The following HOXA3 variants were observed in gnomAD, a reference collection of about 807,000 sequenced individuals.
HOXA3 encodes homeobox A3.
HOXA3 carries 8 observed loss-of-function variants against 30.3 expected under a neutral mutation model. The observed-to-expected ratio is 0.26, with a 90% confidence interval of 0.15 to 0.48. The LOEUF (loss-of-function observed/expected upper bound fraction) is 0.48, where lower values mean the gene tolerates loss of function less well. HOXA3 is among the 20% of genes least tolerant of loss of function. The pLI is 0.99. For missense variants in HOXA3, 653 were observed against 614.4 expected, an observed-to-expected ratio of 1.06 and a Z score of -0.66; for synonymous variants, 323 against 273.1, an observed-to-expected ratio of 1.18 and a Z score of -1.80.
chr7:27,107,050 A>G lies in HOXA3; in HGVS notation c.*865T>C, dbSNP rs1784041623. The stretch of plus-strand genomic sequence containing the variant: ...ACTTTATTTCTTTTTGTTTCTCAGA[A>G]TGTGAGCAGCAAGGAATGAAGAACT... On this transcript the variant is annotated 3_prime_UTR_variant, in exon 6 of 6. Transcript: ENST00000612286. The G allele has an allele frequency of 6.6e-6, 1 of 152,646 alleles. No homozygotes were observed. Among genetic ancestry groups the G allele is most frequent in the Non-Finnish European group, 1.5e-5 (1 of 68,034 alleles). The allele number at this position is 152,646 out of a possible 1,614,324, so 9.5% of individuals were successfully genotyped here.
chr7:27,133,703 G>T (rs555485007), intron 2 of HOXA3, among the ~76,000 whole-genome samples: 10 of 152,318 alleles, frequency 6.6e-5, no homozygotes, highest in Admixed American at 1.3e-4. Context: ...TTTGCAGCTT[G>T]GTTTGAATCT....
rs1381290384 is a variant in HOXA3, at chr7:27,108,591, G to T, written c.656C>A (p.Pro219Gln). Reference protein sequence around the residue: ...EFHFNRYLCRPRRVEMANLLN... With the variant: ...EFHFNRYLCRQRRVEMANLLN... ...CAGATTGGCCATCTCCACCCGGCGC[G>T]GCCGGCACAGGTAGCGGTTGAAGTG... Residue 219 changes from proline to glutamine, a missense_variant, in exon 6 of 6, where the codon CCG becomes CAG. This residue lies in a region of HOXA3 where 320 missense variants were observed against 321.9 expected (regional missense o/e 0.99). Transcript: ENST00000612286. The surrounding 1 kb of genome is among the most constrained non-coding windows in gnomAD (Gnocchi z 5.0). 2.5e-6 allele frequency: 4 copies of T among 1,614,168 alleles called. No homozygotes were observed. Among genetic ancestry groups the T allele is most frequent in the Middle Eastern group, 3.3e-4 (2 of 6,062 alleles).
rs374297287 is a variant in HOXA3 at position 27,108,064 on chromosome 7, C to A, written c.1183G>T (p.Ala395Ser). 118 of 1,612,894 alleles carry A rather than the reference C, an allele frequency of 7.3e-5. No homozygotes were observed. Among genetic ancestry groups the A allele is most frequent in the Non-Finnish European group, 9.8e-5 (115 of 1,179,314 alleles). Residue 395 changes from alanine (A) to serine (S), a missense_variant, in exon 6 of 6, where the codon GCC becomes TCC. Physicochemically the swap from Ala to Ser is moderately conservative, Grantham distance 99 (BLOSUM62 1). Coordinates refer to ENST00000612286, the MANE Select transcript of HOXA3 (RefSeq NM_153631.3). This position sits in a 1 kb window ranked among gnomAD's most constrained non-coding sequence, Gnocchi z 5.0. ...LTHLPHAASG[A>S]MDYGGAGPLG... ...GGCCCGGCACCCCCATAGTCCATGG[C>A]GCCCGAGGCAGCGTGGGGGAGGTGA...
intron 4 of HOXA3, among the ~76,000 whole-genome samples, chr7:27,111,513 T>TGTGTGTG (rs1554336191): frequency 4.7e-5 from 7 of 148,484 alleles, no homozygotes; most frequent in African/African-American, 1.2e-4. Flanking sequence ...TGTGTGTGTG[T>TGTGTGTG]TTAGGGTGAG....
intron 1 of HOXA3, chr7:27,143,536 A>G (rs747709423): frequency 3.1e-6 from 5 of 1,613,352 alleles, no homozygotes; most frequent in East Asian, 2.2e-5. Flanking sequence ...TATGATCTCC[A>G]TAATTATGCA....
chr7:27,114,727 A>C (rs1784576904), intron 4 of HOXA3, among the ~76,000 whole-genome samples: 1 of 124,280 alleles, frequency 8.0e-6, no homozygotes, highest in African/African-American at 2.9e-5. Flanking sequence ...CTCTGACCCC[A>C]AGAGAAACCG....
In HOXA3 at chr7:27,108,745, C is replaced by T. The variant is rs200228241; in HGVS notation, c.527-25G>A. 20 of 1,550,180 alleles carry T rather than the reference C, an allele frequency of 1.3e-5. No individual in the cohort carries two copies. Among genetic ancestry groups the T allele is most frequent in the Non-Finnish European group, 1.7e-5 (20 of 1,146,948 alleles). ...CCTGCGAGGACAGAGAGAGGAAGAG[C>T]GGCGTCAGGGGCTGCCGCGGCCCCG... On this transcript the variant is annotated intron_variant, in intron 5 of 5. Coordinates refer to ENST00000612286, the MANE Select transcript of HOXA3 (RefSeq NM_153631.3). The surrounding 1 kb of genome is among the most constrained non-coding windows in gnomAD (Gnocchi z 5.0).
At chr7:27,131,718 A>G (rs1785565593) in intron 2 of HOXA3, among the ~76,000 whole-genome samples, 2 of 152,160 alleles carry the variant, frequency 1.3e-5, no homozygotes, top group East Asian at 1.9e-4. Context: ...ATAACTTCCT[A>G]TTTCAGAACT....
At chr7:27,140,762 TC>T (rs17472007) in intron 1 of HOXA3, among the ~76,000 whole-genome samples, 2 of 20,242 alleles carry the variant, frequency 9.9e-5, no homozygotes, top group East Asian at 0.014. Context: ...GGGTTTTTTC[TC>T]CTTTTTTCTT....
At chr7:27,127,480 T>C (rs901690733) in intron 2 of HOXA3, among the ~76,000 whole-genome samples, 1 of 152,220 alleles carries the variant, frequency 6.6e-6, no homozygotes, top group Non-Finnish European at 1.5e-5. Context: ...GAGAAATGTG[T>C]TTAAAAATTC....
Position 27,121,505 on chromosome 7 carries a change from G to A in HOXA3, c.-121+1054C>T, listed in dbSNP as rs187663885. Among the ~76,000 whole-genome samples the A allele has an allele frequency of 8.3e-3, 1,262 of 152,254 alleles. 8 individuals carry two copies. The highest frequency in any genetic ancestry group is 0.017 in the Middle Eastern group (5 of 294). On this transcript the variant is annotated intron_variant, in intron 4 of 5. Transcript: ENST00000612286. ...ATATAAACAGACATACAGTAGCTGA[G>A]AAAGTAACACAGCTTGACTATTGCT...
intron 1 of HOXA3, chr7:27,143,196 T>A (rs755032149): frequency 6.2e-7 from 1 of 1,611,274 alleles, no homozygotes; most frequent in South Asian, 1.1e-5. Flanking sequence ...TCTCTGCTGC[T>A]GATGTGGGTG....
intron 4 of HOXA3, among the ~76,000 whole-genome samples, chr7:27,111,393 T>A (rs1784365590): frequency 1.3e-5 from 2 of 152,146 alleles, no homozygotes; most frequent in Non-Finnish European, 2.9e-5. Flanking sequence ...AGGAAGTTAA[T>A]CCACCTTGTT....
intron 2 of HOXA3, chr7:27,129,484 T>A (rs1410129427): frequency 6.2e-7 from 1 of 1,614,006 alleles, no homozygotes; most frequent in Admixed American, 1.7e-5. Context: ...TCGATTGAAG[T>A]GGAACTCCTT....
At chr7:27,137,610 T>C (rs1010848754) in intron 2 of HOXA3, among the ~76,000 whole-genome samples, 6 of 152,214 alleles carry the variant, frequency 3.9e-5, no homozygotes, top group African/African-American at 1.4e-4. Context: ...CCTATGAAAA[T>C]AGGAAGAAAG....
At chr7:27,143,397 G>C (rs761081495) in intron 1 of HOXA3, 2 of 1,606,864 alleles carry the variant, frequency 1.2e-6, no homozygotes, top group Admixed American at 1.7e-5. Context: ...GCGTAGCTGC[G>C]GGCGCGCTCT....
chr7:27,120,204 C>T (rs1784935346), intron 4 of HOXA3, among the ~76,000 whole-genome samples: 1 of 152,128 alleles, frequency 6.6e-6, no homozygotes, highest in Non-Finnish European at 1.5e-5. Context: ...TGAGAAGGGG[C>T]CCCCTTCAAA....
intron 2 of HOXA3, among the ~76,000 whole-genome samples, chr7:27,138,995 T>A (rs367772550): frequency 1.3e-5 from 2 of 152,178 alleles, no homozygotes; most frequent in East Asian, 3.8e-4. Flanking sequence ...AGAATTCGCC[T>A]GTATGTTGAG....
intron 2 of HOXA3, among the ~76,000 whole-genome samples, chr7:27,129,798 G>A (rs536412763): frequency 6.6e-6 from 1 of 152,318 alleles, no homozygotes; most frequent in East Asian, 1.9e-4. Flanking sequence ...CTGGGCATTG[G>A]GGCTGAAGAA....
Sources: allele counts gnomAD v4.1 joint callset (sites outside exome capture counted in the v4.1 genomes callset), GRCh38; gene constraint gnomAD v4.1.1; regional missense constraint gnomAD v4.1.1; non-coding constraint Gnocchi (gnomAD v3.1); transcripts MANE v1.5; gene names NCBI Gene and HGNC (gene_info 2026-07-23, HGNC 2026-07-21).